SGK1: variants seen among roughly 807,000 people sequenced by gnomAD.
SGK1 encodes the protein serum/glucocorticoid regulated kinase 1.
In SGK1, 26 loss-of-function variants were observed where a neutral mutation model predicts 64.2. The observed-to-expected ratio is 0.40, with a 90% CI of 0.30 to 0.56. The LOEUF (loss-of-function observed/expected upper bound fraction) is 0.56, where lower values mean the gene tolerates loss of function less well. Ranked by LOEUF, SGK1 falls within the 20% of genes least tolerant of loss-of-function variation. The pLI is 0.38. For synonymous variants in SGK1, 265 were observed against 239.7 expected, an observed-to-expected ratio of 1.11 and a Z score of -0.98; for missense variants, 519 against 645.6, an observed-to-expected ratio of 0.80 and a Z score of 2.12.
chr6:134,184,788 A>G (rs550161573), intron 3 of SGK1, among the ~76,000 whole-genome samples: 1 of 152,138 alleles, frequency 6.6e-6, no homozygotes, highest in African/African-American at 2.4e-5. Context: ...GGCTCAAGCA[A>G]TCTTCCCACC....
intron 2 of SGK1, among the ~76,000 whole-genome samples, chr6:134,224,211 G>C (rs1030259359): frequency 3.9e-5 from 6 of 152,182 alleles, no homozygotes; most frequent in African/African-American, 7.2e-5. Context: ...CTGCAAAACT[G>C]GGTTAGCATT....
Position 134,220,091 on chromosome 6 carries a change from AAG to A in SGK1, c.286-12662_286-12661del, listed in dbSNP as rs1272556860. Reference sequence around the variant, plus strand: ...AAAAAAAAAAAAAAAAAAAAAAGAAAAGAAAAGAAAAGAAAAACACATATAAT... The same window carrying A: ...AAAAAAAAAAAAAAAAAAAAAAGAAAAAAAGAAAAGAAAAACACATATAAT... On this transcript the variant is annotated intron_variant, in intron 2 of 13. Transcript: ENST00000367858. Among the ~76,000 whole-genome samples, 98 of 145,358 alleles carry A rather than the reference AAG, an allele frequency of 6.7e-4. 1 individual carries two copies. The highest frequency in any genetic ancestry group is 2.3e-3 in the African/African-American group (91 of 40,356).
At chr6:134,184,650 A>T (rs10457625) in intron 3 of SGK1, among the ~76,000 whole-genome samples, 270 of 152,030 alleles carry the variant, frequency 1.8e-3, no homozygotes, top group Admixed American at 3.7e-3. Flanking sequence ...TTGTTGATTT[A>T]CCCAACTAGA....
rs1026275118 is a variant in SGK1, at chr6:134,298,489, G to A, written c.69+18903C>T. The A allele has an allele frequency of 5.1e-5, 41 of 810,010 alleles. No homozygotes were observed. In the African/African-American group the frequency reaches 6.7e-4, roughly 13 times the overall value. The allele number at this position is 810,010 out of a possible 1,614,324, so 50.2% of individuals were successfully genotyped here. Reference sequence around the variant, plus strand: ...AGATTAAGTGGGCTCAGCAGGCTCTGGTTGACTGTGACGGCAGTGATGCCT... The same window carrying A: ...AGATTAAGTGGGCTCAGCAGGCTCTAGTTGACTGTGACGGCAGTGATGCCT... On this transcript the variant is annotated intron_variant, in intron 1 of 13. Transcript: ENST00000367858.
chr6:134,175,892 G>A (rs978502675), intron 3 of SGK1: 11 of 1,069,914 alleles, frequency 1.0e-5, no homozygotes, highest in Admixed American at 5.4e-5. Context: ...AGGAAGGAAG[G>A]AAAGAAAGAG....
At chr6:134,315,912 T>A (rs533041823) in intron 1 of SGK1, among the ~76,000 whole-genome samples, 43 of 152,144 alleles carry the variant, frequency 2.8e-4, no homozygotes, top group Non-Finnish European at 3.5e-4. Flanking sequence ...TTAATTTTCA[T>A]AAAGGGCTCT....
At chr6:134,203,649 A>G (rs774175312) in intron 3 of SGK1, among the ~76,000 whole-genome samples, 2 of 152,230 alleles carry the variant, frequency 1.3e-5, no homozygotes, top group Non-Finnish European at 2.9e-5. Flanking sequence ...GCTTTAGAAG[A>G]TTGGACTGGC....
chr6:134,175,782 A>G, intron 3 of SGK1: 5 of 1,337,798 alleles, frequency 3.7e-6, no homozygotes, highest in Non-Finnish European at 4.8e-6. Context: ...CAAAACAAAC[A>G]AATGGCCCTT....
chr6:134,197,901 T>TATAAA (rs145281267), intron 3 of SGK1, among the ~76,000 whole-genome samples: 27 of 36,704 alleles, frequency 7.4e-4, no homozygotes, highest in Non-Finnish European at 1.4e-3. Context: ...TAAAATAAAA[T>TATAAA]ATAAAATAAA....
In SGK1 at chr6:134,171,727, G is replaced by A. The variant is rs146894538; in HGVS notation, c.1077C>T (p.Leu359=). ...TSTFCGTPEY[L]APEVLHKQPY... ...GCTGCTTATGAAGCACCTCAGGTGC[G>A]AGATACTGAAAAACAGACCAGGGAA... Residue 359 remains leucine, a synonymous_variant, in exon 11 of 14, where the codon CTC becomes CTT. Coordinates refer to ENST00000367858, the MANE Select transcript of SGK1 (RefSeq NM_001143676.3). 106 of 1,609,346 alleles carry A rather than the reference G, an allele frequency of 6.6e-5. No individual in the cohort carries two copies. The highest frequency in any genetic ancestry group is 4.9e-4 in the Middle Eastern group (3 of 6,074).
At chr6:134,297,592 T>C in intron 1 of SGK1, 1 of 481,922 alleles carries the variant, frequency 2.1e-6, no homozygotes, top group Non-Finnish European at 4.0e-6. Context: ...AAGCTCCGCC[T>C]CCCAGGTTCA....
intron 3 of SGK1, chr6:134,177,522 T>G (rs1775264237): frequency 2.8e-6 from 2 of 713,186 alleles, no homozygotes; most frequent in Non-Finnish European, 4.7e-6. Context: ...CACAGACTTT[T>G]GCATGTTTGT....
rs1356876087 is a variant in SGK1, at chr6:134,289,599, TTC to T, written c.70-27453_70-27452del. Among the ~76,000 whole-genome samples the T allele has an allele frequency of 3.3e-5, 5 of 152,322 alleles. No individual in the cohort carries two copies. The East Asian group carries it at 7.7e-4, about 24-fold the overall frequency. On this transcript the variant is annotated intron_variant, in intron 1 of 13. Transcript: ENST00000367858. The stretch of plus-strand genomic sequence containing the variant: ...AAAATTATTAATGAAATATTTTATA[TTC>T]TCTTTTTTTTTCCATACTGTGTTTA...
intron 2 of SGK1, among the ~76,000 whole-genome samples, chr6:134,221,561 CACTT>C (rs779779019): frequency 3.3e-5 from 5 of 152,236 alleles, no homozygotes; most frequent in Admixed American, 6.5e-5. Flanking sequence ...TTCTCCATGA[CACTT>C]ACCTCCTAAT....
intron 1 of SGK1, among the ~76,000 whole-genome samples, chr6:134,306,923 C>T (rs937810723): frequency 1.0e-4 from 12 of 114,874 alleles, no homozygotes; most frequent in Admixed American, 1.9e-4. Flanking sequence ...GGGGGGGGGG[C>T]GGAATTTCAA....
chr6:134,195,174 A>C (rs1277679394), intron 3 of SGK1, among the ~76,000 whole-genome samples: 1 of 152,262 alleles, frequency 6.6e-6, no homozygotes, highest in Non-Finnish European at 1.5e-5. Context: ...AAATAAGCAC[A>C]TGAAAATACT....
At position 134,280,434 on chromosome 6, in the gene SGK1, A is replaced by AAT. The variant is rs993982019; in HGVS notation, c.70-18288_70-18287dup. ...TGGTGGTAATTTAGCTTATTTTTAA[A>AAT]ATATATATATTTTTTAATTTTTTTG... On this transcript the variant is annotated intron_variant, in intron 1 of 13. Coordinates refer to ENST00000367858, the MANE Select transcript of SGK1 (RefSeq NM_001143676.3). 2.5e-4 allele frequency among the ~76,000 whole-genome samples: 38 copies of AAT among 152,156 alleles called. 1 individual carries two copies. Among genetic ancestry groups the AAT allele is most frequent in the African/African-American group, 7.5e-4 (31 of 41,536 alleles).
rs548887888 is a variant in SGK1 at position 134,194,753 on chromosome 6, C to A, written c.361+12603G>T. Among the ~76,000 whole-genome samples the A allele has an allele frequency of 1.1e-4, 16 of 152,222 alleles. No individual in the cohort carries two copies. In the East Asian group the frequency reaches 3.1e-3, roughly 29 times the overall value. ...GGCCAGGCTGGTCTTGAAGTCCTTA[C>A]CTCAAGTGATGCGCCCGCCTCGGCC... On this transcript the variant is annotated intron_variant, in intron 3 of 13. Transcript: ENST00000367858.
At chr6:134,183,996 C>T (rs1390371038) in intron 3 of SGK1, among the ~76,000 whole-genome samples, 1 of 152,088 alleles carries the variant, frequency 6.6e-6, no homozygotes, top group African/African-American at 2.4e-5. Context: ...CTAACATTCT[C>T]TAATCAGGTC....
Sources: gnomAD v4.1 joint callset for allele counts (sites outside exome capture counted in the v4.1 genomes callset) on GRCh38, gnomAD v4.1.1 for gene constraint, MANE v1.5 for transcripts, NCBI Gene and HGNC (gene_info 2026-07-23, HGNC 2026-07-21) for gene names.